EYA4: variants seen among roughly 807,000 people sequenced by gnomAD.
The protein encoded by EYA4 is protein phosphatase EYA4.
In EYA4, 31 loss-of-function variants were observed where a neutral mutation model predicts 87.9. The ratio of observed to expected loss-of-function variants is 0.35; its 90% CI spans 0.27 to 0.48. The LOEUF is 0.48. EYA4 is among the 20% of genes least tolerant of loss of function. The pLI, the probability that EYA4 is intolerant of heterozygous loss-of-function variation, is 0.99. For synonymous variants in EYA4, 263 were observed against 270.6 expected, an observed-to-expected ratio of 0.97 and a Z score of 0.28; for missense variants, 678 against 761.4, an observed-to-expected ratio of 0.89 and a Z score of 1.29.
At chr6:133,311,854 A>T (rs1189029108) in intron 2 of EYA4, among the ~76,000 whole-genome samples, 1 of 151,916 alleles carries the variant, frequency 6.6e-6, no homozygotes, top group African/African-American at 2.4e-5. Context: ...AAATTAATAA[A>T]TAAGAATGAG....
intron 11 of EYA4, among the ~76,000 whole-genome samples, chr6:133,477,234 C>T (rs1197715748): frequency 6.6e-6 from 1 of 152,054 alleles, no homozygotes. Flanking sequence ...ACACCCCCAC[C>T]AGCAGTGTGC....
At chr6:133,377,129 G>T (rs923668161) in intron 2 of EYA4, among the ~76,000 whole-genome samples, 2 of 151,762 alleles carry the variant, frequency 1.3e-5, no homozygotes, top group Non-Finnish European at 2.9e-5. Flanking sequence ...GGTGTTTGTT[G>T]GTCTAGGTGA....
intron 2 of EYA4, among the ~76,000 whole-genome samples, chr6:133,304,770 A>G (rs897086821): frequency 2.6e-5 from 4 of 152,060 alleles, no homozygotes; most frequent in Non-Finnish European, 5.9e-5. Context: ...GGGTTTGTGT[A>G]TTCATTCAAC....
At chr6:133,346,024 T>C (rs1783166536) in intron 2 of EYA4, among the ~76,000 whole-genome samples, 2 of 152,200 alleles carry the variant, frequency 1.3e-5, no homozygotes, top group Admixed American at 1.3e-4. Context: ...CGATAGACAC[T>C]TGACTTGCTC....
chr6:133,242,589 G>C (rs979141323), intron 1 of EYA4, among the ~76,000 whole-genome samples: 5 of 152,178 alleles, frequency 3.3e-5, no homozygotes, highest in African/African-American at 1.2e-4. Context: ...GTGAAGCGAG[G>C]TTTGGAAGTA....
intron 14 of EYA4, chr6:133,510,436 C>A: frequency 5.8e-6 from 2 of 345,850 alleles, no homozygotes; most frequent in South Asian, 5.6e-5. Flanking sequence ...AAGAAATAAT[C>A]TCATCATTTA....
At chr6:133,357,162 T>G (rs1205866840) in intron 2 of EYA4, among the ~76,000 whole-genome samples, 1 of 149,024 alleles carries the variant, frequency 6.7e-6, no homozygotes, top group Non-Finnish European at 1.5e-5. Context: ...TCCCAGCTAC[T>G]TGGGAGGCTG....
intron 2 of EYA4, among the ~76,000 whole-genome samples, chr6:133,338,823 A>G (rs1052564881): frequency 6.8e-6 from 1 of 146,864 alleles, no homozygotes; most frequent in Non-Finnish European, 1.5e-5. Flanking sequence ...ACATAATACA[A>G]TTCAGAAAAT....
At chr6:133,343,506 C>A (rs1298397978) in intron 2 of EYA4, among the ~76,000 whole-genome samples, 1 of 151,794 alleles carries the variant, frequency 6.6e-6, no homozygotes, top group African/African-American at 2.4e-5. Context: ...CCCGAGTTCC[C>A]TAGCAGATAG....
intron 2 of EYA4, among the ~76,000 whole-genome samples, chr6:133,330,381 C>T (rs1781831687): frequency 6.6e-6 from 1 of 151,824 alleles, no homozygotes. Context: ...TAAATTACCC[C>T]CTCTGCTAAT....
At position 133,529,166 on chromosome 6, in the gene EYA4, C is replaced by T. The variant is rs1220398567; in HGVS notation, c.*361C>T. 3.0e-5 allele frequency: 35 copies of T among 1,175,678 alleles called. No individual in the cohort carries two copies. Among genetic ancestry groups the T allele is most frequent in the Non-Finnish European group, 3.4e-5 (32 of 938,658 alleles). The allele number at this position is 1,175,678 out of a possible 1,614,324, so 72.8% of individuals were successfully genotyped here. On this transcript the variant is annotated 3_prime_UTR_variant, in exon 20 of 20. Transcript: ENST00000355286. ...TGACAAGGTGGTCAACAACATTCCT[C>T]AAAATGGGAGATCTTCTCAGCCCTG...
chr6:133,496,247 G>C (rs538478246), intron 13 of EYA4, among the ~76,000 whole-genome samples: 2 of 151,942 alleles, frequency 1.3e-5, no homozygotes, highest in Non-Finnish European at 2.9e-5. Flanking sequence ...AATTATTATG[G>C]GTCCTTAAAA....
At chr6:133,385,453 G>A (rs1583135254) in intron 3 of EYA4, among the ~76,000 whole-genome samples, 1 of 150,164 alleles carries the variant, frequency 6.7e-6, no homozygotes, top group Admixed American at 6.7e-5. Flanking sequence ...GAGAGAGAGA[G>A]AGAGATTCAG....
intron 2 of EYA4, among the ~76,000 whole-genome samples, chr6:133,302,389 C>T (rs1178914246): frequency 1.3e-5 from 2 of 151,984 alleles, no homozygotes; most frequent in African/African-American, 2.4e-5. Context: ...GGTTTAAGTG[C>T]CTGGGATTTC....
chr6:133,429,866 T>C (rs1295134513), intron 3 of EYA4, among the ~76,000 whole-genome samples: 1 of 152,244 alleles, frequency 6.6e-6, no homozygotes, highest in Non-Finnish European at 1.5e-5. Flanking sequence ...TCTTTTATTT[T>C]ATTTATAATT....
At chr6:133,339,023 T>G (rs1052513246) in intron 2 of EYA4, among the ~76,000 whole-genome samples, 13 of 152,322 alleles carry the variant, frequency 8.5e-5, no homozygotes, top group African/African-American at 3.1e-4. Flanking sequence ...TATTAGGTGC[T>G]GAAATCAGTG....
intron 1 of EYA4, among the ~76,000 whole-genome samples, chr6:133,273,408 A>G (rs1004455797): frequency 3.9e-5 from 6 of 152,102 alleles, no homozygotes; most frequent in African/African-American, 7.2e-5. Flanking sequence ...TCAAAATGTT[A>G]ATCTCCTTTG....
rs761756105 is a variant in EYA4, at chr6:133,491,615, G to C, written c.1191+8500G>C. 2.0e-5 allele frequency among the ~76,000 whole-genome samples: 3 copies of C among 151,960 alleles called. No homozygotes were observed. The South Asian group carries it at 6.2e-4, about 32-fold the overall frequency. The stretch of plus-strand genomic sequence containing the variant: ...ATTGAATCATGAAGAAGTCCAAAAC[G>C]TGAACACACCAATAACAAGTAGAGA... On this transcript the variant is annotated intron_variant, in intron 13 of 19. Coordinates refer to ENST00000355286, the MANE Select transcript of EYA4 (RefSeq NM_004100.5).
intron 3 of EYA4, among the ~76,000 whole-genome samples, chr6:133,419,528 C>T (rs1390974273): frequency 6.6e-6 from 1 of 152,042 alleles, no homozygotes; most frequent in Non-Finnish European, 1.5e-5. Flanking sequence ...TCCAAATATG[C>T]CTCAGATGAA....
Sources: gnomAD v4.1 joint callset for allele counts (sites outside exome capture counted in the v4.1 genomes callset) on GRCh38, gnomAD v4.1.1 for gene constraint, MANE v1.5 for transcripts, NCBI Gene and HGNC (gene_info 2026-07-23, HGNC 2026-07-21) for gene names.